The following SSBP2 variants were observed in gnomAD, a reference collection of about 807,000 sequenced individuals.
The protein encoded by SSBP2 is single-stranded DNA-binding protein 2.
In SSBP2, 17 loss-of-function variants were observed where a neutral mutation model predicts 61.8. That is an observed-to-expected ratio of 0.28 (90% CI 0.19 to 0.41). The LOEUF (loss-of-function observed/expected upper bound fraction) is 0.41. Among genes scored for constraint, SSBP2 ranks in the 10% least tolerant of loss-of-function variants. The probability of loss-of-function intolerance (pLI) is 1.00; values close to 1 mark genes in which losing one functional copy is unlikely to be tolerated. For missense variants in SSBP2, 310 were observed against 458.7 expected, an observed-to-expected ratio of 0.68 and a Z score of 2.96; for synonymous variants, 139 against 141.3, an observed-to-expected ratio of 0.98 and a Z score of 0.12.
chr5:81,724,175 T>C (rs1479851338), intron 1 of SSBP2, among the ~76,000 whole-genome samples: 1 of 152,092 alleles, frequency 6.6e-6, no homozygotes, highest in African/African-American at 2.4e-5. Context: ...TGTTGAGGTA[T>C]GCAAAAAATC....
At chr5:81,592,159 C>A (rs1775563022) in intron 4 of SSBP2, among the ~76,000 whole-genome samples, 1 of 152,228 alleles carries the variant, frequency 6.6e-6, no homozygotes, top group South Asian at 2.1e-4. Flanking sequence ...TTCCAACAGG[C>A]TTAAAAAACA....
At chr5:81,629,925 TAC>T (rs1488258727) in intron 3 of SSBP2, among the ~76,000 whole-genome samples, 1 of 152,228 alleles carries the variant, frequency 6.6e-6, no homozygotes, top group African/African-American at 2.4e-5. Context: ...ATTAAACCAG[TAC>T]ATACTTCTGC....
At chr5:81,427,468 A>G (rs900210625) in intron 16 of SSBP2, among the ~76,000 whole-genome samples, 1 of 152,178 alleles carries the variant, frequency 6.6e-6, no homozygotes, top group African/African-American at 2.4e-5. Context: ...CAAAGGTCCC[A>G]TGTGGATATC....
intron 2 of SSBP2, among the ~76,000 whole-genome samples, chr5:81,642,179 G>A (rs1748846904): frequency 1.3e-5 from 2 of 152,172 alleles, no homozygotes; most frequent in African/African-American, 2.4e-5. Context: ...TTTCTGAAGA[G>A]GTATTTTCTG....
intron 4 of SSBP2, among the ~76,000 whole-genome samples, chr5:81,547,909 G>T (rs4513668): frequency 0.47 from 70,991 of 152,074 alleles, 21,150 homozygotes; most frequent in African/African-American, 0.86. Context: ...AATAGTTGGA[G>T]GAAGGGAAGG....
At chr5:81,530,838 T>C (rs1322158941) in intron 4 of SSBP2, among the ~76,000 whole-genome samples, 1 of 152,058 alleles carries the variant, frequency 6.6e-6, no homozygotes, top group African/African-American at 2.4e-5. Flanking sequence ...AGAATCATAA[T>C]TTTATGGTGC....
At chr5:81,724,868 T>C (rs1755773160) in intron 1 of SSBP2, among the ~76,000 whole-genome samples, 1 of 152,110 alleles carries the variant, frequency 6.6e-6, no homozygotes, top group Admixed American at 6.5e-5. Context: ...TAACAACATC[T>C]AAAACCAACA....
intron 4 of SSBP2, among the ~76,000 whole-genome samples, chr5:81,526,997 C>T (rs896233812): frequency 6.6e-6 from 1 of 151,516 alleles, no homozygotes; most frequent in South Asian, 2.1e-4. Context: ...GAAAAAGTAA[C>T]GCAACAGAAT....
intron 3 of SSBP2, among the ~76,000 whole-genome samples, chr5:81,629,708 G>A (rs1747513568): frequency 6.6e-6 from 1 of 152,070 alleles, no homozygotes; most frequent in Non-Finnish European, 1.5e-5. Context: ...CTTTATAGAG[G>A]TATGGTTGAC....
At chr5:81,677,832 A>G (rs1419253996) in intron 1 of SSBP2, among the ~76,000 whole-genome samples, 2 of 150,644 alleles carry the variant, frequency 1.3e-5, no homozygotes, top group East Asian at 3.9e-4. Flanking sequence ...TAAGGGTGAA[A>G]AAAAAAAAAA....
At chr5:81,662,759 C>A (rs1177066463) in intron 1 of SSBP2, among the ~76,000 whole-genome samples, 2 of 152,092 alleles carry the variant, frequency 1.3e-5, no homozygotes, top group African/African-American at 2.4e-5. Context: ...CAAGATCGAG[C>A]CACTACACTC....
At chr5:81,581,490 C>A (rs181075214) in intron 4 of SSBP2, among the ~76,000 whole-genome samples, 1 of 152,112 alleles carries the variant, frequency 6.6e-6, no homozygotes, top group Non-Finnish European at 1.5e-5. Context: ...AAGAATAACT[C>A]TAAGTTGAAA....
chr5:81,444,627 A>G (rs566818810), intron 12 of SSBP2, among the ~76,000 whole-genome samples: 2 of 152,304 alleles, frequency 1.3e-5, no homozygotes, highest in African/African-American at 4.8e-5. Context: ...AATCACACAC[A>G]AGATTAACTT....
chr5:81,710,041 T>G (rs1206285406), intron 1 of SSBP2, among the ~76,000 whole-genome samples: 3 of 152,010 alleles, frequency 2.0e-5, no homozygotes, highest in Non-Finnish European at 4.4e-5. Context: ...CACAGTATCC[T>G]CAAATTCAGC....
intron 1 of SSBP2, among the ~76,000 whole-genome samples, chr5:81,744,277 A>C (rs1168499741): frequency 6.6e-6 from 1 of 152,226 alleles, no homozygotes; most frequent in Non-Finnish European, 1.5e-5. Flanking sequence ...TCATTTTTAA[A>C]AGAATAATTT....
chr5:81,599,072 G>T (rs1396881248), intron 4 of SSBP2, among the ~76,000 whole-genome samples: 1 of 152,074 alleles, frequency 6.6e-6, no homozygotes, highest in African/African-American at 2.4e-5. Context: ...AATCATCTAA[G>T]GGCCCTGAAC....
chr5:81,478,803 T>C (rs1410539726), intron 6 of SSBP2, among the ~76,000 whole-genome samples: 1 of 152,200 alleles, frequency 6.6e-6, no homozygotes, highest in African/African-American at 2.4e-5. Context: ...TCCAAATGGT[T>C]AGAGTTATAC....
At chr5:81,449,469 A>G (rs1763625044) in intron 10 of SSBP2, among the ~76,000 whole-genome samples, 1 of 152,224 alleles carries the variant, frequency 6.6e-6, no homozygotes. Flanking sequence ...CAAGCTTACT[A>G]GCTAACTTGT....
At chr5:81,422,850 C>G (rs949871817) in intron 16 of SSBP2, among the ~76,000 whole-genome samples, 3 of 152,244 alleles carry the variant, frequency 2.0e-5, no homozygotes, top group Admixed American at 1.3e-4. Flanking sequence ...CATTTCATCA[C>G]ATCACATTTC....
Sources: gnomAD v4.1 joint callset for allele counts (sites outside exome capture counted in the v4.1 genomes callset) on GRCh38, gnomAD v4.1.1 for gene constraint, MANE v1.5 for transcripts, NCBI Gene and HGNC (gene_info 2026-07-23, HGNC 2026-07-21) for gene names.